Variants in SPINK5 observed in about 807,000 individuals in gnomAD.
SPINK5 encodes the protein serine peptidase inhibitor Kazal type 5.
Under a neutral mutation model 151.8 loss-of-function variants are expected in SPINK5, and 125 were observed. The observed-to-expected ratio is 0.82, with a 90% CI of 0.71 to 0.96. SPINK5 has a LOEUF of 0.96. Ranked by LOEUF, SPINK5 falls within the 40% of genes least tolerant of loss-of-function variation. The pLI is 0.00. For synonymous variants in SPINK5, 374 were observed against 395.3 expected, an observed-to-expected ratio of 0.95 and a Z score of 0.64; for missense variants, 1,194 against 1,291.9, an observed-to-expected ratio of 0.92 and a Z score of 1.16.
intron 28 of SPINK5, chr5:148,125,394 T>A (rs1453292888): frequency 2.5e-6 from 2 of 791,122 alleles, no homozygotes; most frequent in South Asian, 3.0e-5. Flanking sequence ...TAGAGTTAGA[T>A]CCCTGAGCAA....
intron 32 of SPINK5, chr5:148,134,106 G>C (rs1449274889): frequency 3.2e-6 from 2 of 617,032 alleles, no homozygotes; most frequent in African/African-American, 3.6e-5. Flanking sequence ...ATATTTAATG[G>C]GTCCATTAAT....
intron 15 of SPINK5, among the ~76,000 whole-genome samples, chr5:148,104,697 C>G (rs929666300): frequency 1.3e-5 from 2 of 152,076 alleles, no homozygotes; most frequent in African/African-American, 2.4e-5. Flanking sequence ...AGTTCGAGAC[C>G]AGCCTGGCCA....
chr5:148,108,742 T>C lies in SPINK5; in HGVS notation c.1608-11T>C. ...ATCATATTCAGCCTATATCTTCTTT[T>C]TCTATTACAGCAAACTTGAAGAAGA... On this transcript the variant is annotated splice_polypyrimidine_tract_variant and intron_variant, in intron 17 of 32. Coordinates refer to ENST00000256084, the MANE Select transcript of SPINK5 (RefSeq NM_006846.4). The C allele has an allele frequency of 6.2e-7, 1 of 1,610,230 alleles. No individual in the cohort carries two copies. The highest frequency in any genetic ancestry group is 2.2e-5 in the East Asian group (1 of 44,720).
chr5:148,097,471 A>G (rs2113103718), intron 10 of SPINK5, among the ~76,000 whole-genome samples: 1 of 152,018 alleles, frequency 6.6e-6, no homozygotes, highest in Non-Finnish European at 1.5e-5. Context: ...CTTTTTCCAC[A>G]TTATGTTCCT....
In SPINK5 at chr5:148,082,855, C is replaced by T. The variant is rs1177209664; in HGVS notation, c.283-3550C>T. ...CGATCTCCTGACCTCGTGATCCGCC[C>T]GCCTCGGCCTCCCAAAGTGCTGGGA... On this transcript the variant is annotated intron_variant, in intron 4 of 32. Coordinates refer to ENST00000256084, the MANE Select transcript of SPINK5 (RefSeq NM_006846.4). 6.7e-3 allele frequency among the ~76,000 whole-genome samples: 95 copies of T among 14,138 alleles called. 36 individuals carry two copies. Among genetic ancestry groups the T allele is most frequent in the Non-Finnish European group, 8.0e-3 (77 of 9,604 alleles). The allele number at this position is 14,138 out of a possible 152,430, so 9.3% of individuals were successfully genotyped here.
At position 148,125,728 on chromosome 5, in the gene SPINK5, G is replaced by A; in HGVS notation, c.2745G>A (p.Glu915=). 1 of 1,614,198 alleles carries A rather than the reference G, an allele frequency of 6.2e-7. No homozygotes were observed. Among genetic ancestry groups the A allele is most frequent in the Non-Finnish European group, 8.5e-7 (1 of 1,180,020 alleles). Residue 915 remains glutamate (E), a synonymous_variant, in exon 29 of 33, where the codon GAG becomes GAA. Coordinates refer to ENST00000256084, the MANE Select transcript of SPINK5 (RefSeq NM_006846.4). ...SSKPSNNAKD[E]CSEFRNYIRN... ...TTCCCTTTCTCATTTTCTAGGATGAGTGCAGTGAATTTCGAAACTATATAA... is the reference window on the plus strand; with the variant it reads ...TTCCCTTTCTCATTTTCTAGGATGAATGCAGTGAATTTCGAAACTATATAA...
Position 148,119,051 on chromosome 5 carries a change from C to T in SPINK5, c.2306C>T (p.Ser769Leu). Residue 769 changes from serine (S) to leucine (L), a missense_variant, in exon 24 of 33, where the codon TCA (serine) becomes TTA (leucine). Physicochemically the swap from Ser to Leu is moderately radical, Grantham distance 145. Coordinates refer to ENST00000256084, the MANE Select transcript of SPINK5 (RefSeq NM_006846.4). ...AGATCAAATGGGACTGGATCAGAATCAGGGAAGGTGAGTTATTTTTTGGGT... is the reference window on the plus strand; with the variant it reads ...AGATCAAATGGGACTGGATCAGAATTAGGGAAGGTGAGTTATTTTTTGGGT... The part of the protein sequence containing the change: ...RSRSNGTGSE[S>L]GKDTCDEFRS... 1 of 1,613,904 alleles carries T rather than the reference C, an allele frequency of 6.2e-7. No homozygotes were observed. The highest frequency in any genetic ancestry group is 8.5e-7 in the Non-Finnish European group (1 of 1,179,896).
At chr5:148,066,164 G>C (rs1348637554) in intron 2 of SPINK5, among the ~76,000 whole-genome samples, 1 of 152,120 alleles carries the variant, frequency 6.6e-6, no homozygotes, top group Non-Finnish European at 1.5e-5. Context: ...AGAAGCACCT[G>C]TGAGCGCAGA....
At chr5:148,072,865 GTA>G (rs897208869) in intron 4 of SPINK5, among the ~76,000 whole-genome samples, 2 of 82,862 alleles carry the variant, frequency 2.4e-5, no homozygotes, top group African/African-American at 1.0e-4. Flanking sequence ...GTGTTCTCTG[GTA>G]AAAAAAAAAA....
intron 7 of SPINK5, chr5:148,090,884 T>C (rs1431565200): frequency 7.4e-6 from 3 of 406,938 alleles, no homozygotes; most frequent in Non-Finnish European, 1.3e-5. Context: ...AAGCTTCTAA[T>C]TGACTGTCAG....
intron 15 of SPINK5, 127 bp from the exon 16 acceptor site, chr5:148,104,825 G>A: frequency 1.4e-6 from 1 of 729,650 alleles, no homozygotes; most frequent in Non-Finnish European, 2.3e-6. Flanking sequence ...GAACCCGGGA[G>A]GTGGAGGTTG....
rs1371918016 is a variant in SPINK5 at position 148,114,293 on chromosome 5, C to G, written c.1888-69C>G. The stretch of plus-strand genomic sequence containing the variant: ...CTCTTTTTTTTTTTTCTATAAAGCA[C>G]TTAGTAGGAACCCAGTAAACTAATT... On this transcript the variant is annotated intron_variant, in intron 20 of 32. Coordinates refer to ENST00000256084, the MANE Select transcript of SPINK5 (RefSeq NM_006846.4). The G allele has an allele frequency of 2.0e-6, 3 of 1,524,456 alleles. No individual in the cohort carries two copies. In the African/African-American group the frequency reaches 4.2e-5, roughly 22 times the overall value. 94.4% of individuals were successfully genotyped at this position (1,524,456 alleles called of 1,614,324 possible).
At chr5:148,092,289 A>G (rs902633059) in intron 8 of SPINK5, among the ~76,000 whole-genome samples, 3 of 151,930 alleles carry the variant, frequency 2.0e-5, no homozygotes, top group African/African-American at 4.8e-5. Flanking sequence ...CTCAACCTAA[A>G]TAGGGTATTG....
At chr5:148,107,955 G>A (rs1233848029) in intron 17 of SPINK5, among the ~76,000 whole-genome samples, 1 of 152,172 alleles carries the variant, frequency 6.6e-6, no homozygotes, top group Non-Finnish European at 1.5e-5. Context: ...CAAAGTTAAT[G>A]TCTCCTAACT....
intron 28 of SPINK5, 34 bp downstream of exon 28, chr5:148,124,871 T>A (rs1754391084): frequency 1.3e-6 from 2 of 1,550,496 alleles, no homozygotes; most frequent in Non-Finnish European, 1.7e-6. Context: ...ATAACCATTT[T>A]ACTTTTCACC....
In SPINK5 at chr5:148,120,339, G is replaced by GGAGC. The variant is rs1281467300; in HGVS notation, c.2487_2490dup (p.Asn831GlufsTer15). 8 of 1,601,984 alleles carry GGAGC rather than the reference G, an allele frequency of 5.0e-6. No individual in the cohort carries two copies. Among genetic ancestry groups the GGAGC allele is most frequent in the Non-Finnish European group, 6.8e-6 (8 of 1,172,588 alleles). On this transcript the variant is annotated frameshift_variant, in exon 26 of 33. Transcript: ENST00000256084. LOFTEE classifies it high-confidence loss of function. ...AAAAAAAAGAAAGAGGATGAAGACA[G>GGAGC]GAGCAATACAGGAGAAAGGAGCAAT...
At chr5:148,113,730 GTAA>G (rs112090883) in intron 20 of SPINK5, among the ~76,000 whole-genome samples, 22,292 of 144,722 alleles carry the variant, frequency 0.15, 2,163 homozygotes, top group East Asian at 0.34. Flanking sequence ...TTGCACAGTT[GTAA>G]TAATTCTAAA....
intron 16 of SPINK5, among the ~76,000 whole-genome samples, chr5:148,105,399 T>C (rs747167607): frequency 6.6e-6 from 1 of 152,194 alleles, no homozygotes; most frequent in Non-Finnish European, 1.5e-5. Flanking sequence ...AGCACATATA[T>C]TATCATATTT....
intron 5 of SPINK5, among the ~76,000 whole-genome samples, chr5:148,087,058 T>C (rs904921597): frequency 2.6e-5 from 4 of 151,604 alleles, no homozygotes; most frequent in African/African-American, 9.7e-5. Flanking sequence ...TGTTTATCTA[T>C]GTGTATACCC....
Sources: allele counts gnomAD v4.1 joint callset (sites outside exome capture counted in the v4.1 genomes callset), GRCh38; gene constraint gnomAD v4.1.1; transcripts MANE v1.5; gene names NCBI Gene and HGNC (gene_info 2026-07-23, HGNC 2026-07-21).